The following MGAT4C variants were observed in gnomAD, a reference collection of about 807,000 sequenced individuals.
The protein encoded by MGAT4C is alpha-1,3-mannosyl-glycoprotein 4-beta-N-acetylglucosaminyltransferase C.
In MGAT4C, 19 loss-of-function variants were observed where a neutral mutation model predicts 40.1. The ratio of observed to expected loss-of-function variants is 0.47; its 90% CI spans 0.33 to 0.70. The LOEUF (loss-of-function observed/expected upper bound fraction) is 0.70, where lower values mean the gene tolerates loss of function less well. Among genes scored for constraint, MGAT4C ranks in the 30% least tolerant of loss-of-function variants. MGAT4C has a pLI of 0.02. For missense variants in MGAT4C, 491 were observed against 563.2 expected (o/e 0.87, Z 1.30); for synonymous variants, 181 against 187.1 (o/e 0.97, Z 0.27).
chr12:86,186,789 G>A (rs1179590455), intron 1 of MGAT4C, among the ~76,000 whole-genome samples: 5 of 152,048 alleles, frequency 3.3e-5, no homozygotes, highest in African/African-American at 4.8e-5. Flanking sequence ...TCCTGTGTTC[G>A]TAAGACCAGT....
At chr12:86,638,926 T>G (rs573534718) in intron 2 of MGAT4C, among the ~76,000 whole-genome samples, 1 of 151,974 alleles carries the variant, frequency 6.6e-6, no homozygotes, top group African/African-American at 2.4e-5. Flanking sequence ...TTCTTCATAG[T>G]AAACTTGAGA....
At chr12:86,063,596 CAAGATCCATTGGTGTGCTGTATTCAG>C (rs1277969360) in intron 1 of MGAT4C, among the ~76,000 whole-genome samples, 1 of 152,150 alleles carries the variant, frequency 6.6e-6, no homozygotes, top group Non-Finnish European at 1.5e-5. Flanking sequence ...GATAAAGAGT[CAAGATCCATTGGTGTGCTGTATTCAG>C]AAGATCCATC....
intron 2 of MGAT4C, among the ~76,000 whole-genome samples, chr12:86,639,241 G>T (rs897770281): frequency 6.6e-6 from 1 of 151,660 alleles, no homozygotes; most frequent in African/African-American, 2.4e-5. Flanking sequence ...TCAAAACAAA[G>T]TAGACTTATT....
intron 2 of MGAT4C, 74 bp from the exon 3 acceptor site, chr12:85,989,626 T>A (rs973512851): frequency 3.7e-6 from 5 of 1,338,264 alleles, no homozygotes. Flanking sequence ...TATATAAAAG[T>A]CAGGTCCTTG....
intron 1 of MGAT4C, among the ~76,000 whole-genome samples, chr12:86,795,830 C>G (rs1186304593): frequency 6.6e-6 from 1 of 151,932 alleles, no homozygotes; most frequent in Non-Finnish European, 1.5e-5. Flanking sequence ...CACAGTTGTT[C>G]ATGTATTAGT....
chr12:86,457,428 A>C (rs985499973), intron 2 of MGAT4C, among the ~76,000 whole-genome samples: 6 of 152,226 alleles, frequency 3.9e-5, no homozygotes, highest in South Asian at 2.1e-4. Context: ...AGACTTTTTA[A>C]TTGTCTCAGT....
chr12:86,788,022 A>T (rs1232740047), intron 1 of MGAT4C, among the ~76,000 whole-genome samples: 3 of 152,112 alleles, frequency 2.0e-5, no homozygotes, highest in Non-Finnish European at 2.9e-5. Context: ...AAGAGACATG[A>T]CAAAATGATC....
Position 86,640,601 on chromosome 12 carries a change from C to T in MGAT4C, c.-229+86608G>A, listed in dbSNP as rs188246126. On this transcript the variant is annotated intron_variant, in intron 2 of 7. Transcript: ENST00000548651. ...GAAGGGTTTTTTGAGTCTCTATTTCCTTCAGTTCTACTCTGATTTTAGTTA... is the reference window on the plus strand; with the variant it reads ...GAAGGGTTTTTTGAGTCTCTATTTCTTTCAGTTCTACTCTGATTTTAGTTA... Among the ~76,000 whole-genome samples, 497 of 152,024 alleles carry T rather than the reference C, an allele frequency of 3.3e-3. 2 individuals carry two copies. Among genetic ancestry groups the T allele is most frequent in the African/African-American group, 0.012 (484 of 41,502 alleles).
chr12:86,733,826 G>C (rs1402682055), intron 1 of MGAT4C, among the ~76,000 whole-genome samples: 1 of 152,102 alleles, frequency 6.6e-6, no homozygotes, highest in Non-Finnish European at 1.5e-5. Flanking sequence ...AATTGATTCA[G>C]TTAAGTTTTT....
chr12:85,991,339 T>C (rs908077762), intron 2 of MGAT4C, among the ~76,000 whole-genome samples: 5 of 152,118 alleles, frequency 3.3e-5, no homozygotes, highest in African/African-American at 1.2e-4. Flanking sequence ...AACTGATCCA[T>C]GGACAGCCAT....
intron 2 of MGAT4C, among the ~76,000 whole-genome samples, chr12:86,484,423 C>G (rs148509021): frequency 6.6e-6 from 1 of 152,222 alleles, no homozygotes; most frequent in Non-Finnish European, 1.5e-5. Context: ...CTCTCACAGA[C>G]GTATGTGCAC....
At chr12:86,494,653 A>C (rs999026162) in intron 2 of MGAT4C, among the ~76,000 whole-genome samples, 1 of 151,912 alleles carries the variant, frequency 6.6e-6, no homozygotes, top group African/African-American at 2.4e-5. Flanking sequence ...AATCTTCTAC[A>C]GGAAGAAATT....
At chr12:86,582,732 G>T (rs534809531) in intron 2 of MGAT4C, among the ~76,000 whole-genome samples, 1 of 151,262 alleles carries the variant, frequency 6.6e-6, no homozygotes, top group African/African-American at 2.4e-5. Context: ...TGAATAGGCT[G>T]GTTCAATTAT....
intron 2 of MGAT4C, among the ~76,000 whole-genome samples, chr12:86,462,740 A>C (rs1957620228): frequency 3.3e-5 from 5 of 152,180 alleles, no homozygotes; most frequent in Admixed American, 3.3e-4. Flanking sequence ...AAGAACTTAG[A>C]GTCTGATGTT....
At chr12:86,733,416 A>G (rs1292502447) in intron 1 of MGAT4C, among the ~76,000 whole-genome samples, 1 of 151,942 alleles carries the variant, frequency 6.6e-6, no homozygotes, top group Non-Finnish European at 1.5e-5. Flanking sequence ...CCGAGTAACA[A>G]GAAGAGCAAA....
chr12:86,275,868 G>A (rs1392428139), intron 4 of MGAT4C, among the ~76,000 whole-genome samples: 2 of 150,228 alleles, frequency 1.3e-5, no homozygotes, highest in Admixed American at 6.7e-5. Context: ...TTGGGAGGCC[G>A]AGGCGGCGGA....
At position 86,832,721 on chromosome 12, in the gene MGAT4C, CAA is replaced by C. The variant is rs369542058; in HGVS notation, c.-262+5943_-262+5944del. 1.9e-4 allele frequency among the ~76,000 whole-genome samples: 29 copies of C among 151,890 alleles called. No homozygotes were observed. In the East Asian group the frequency reaches 5.6e-3, roughly 30 times the overall value. ...GGTGATTAAATGTGATATTGTGGGA[CAA>C]AGATTCTGACCCAAACCTTAGCTAA... On this transcript the variant is annotated intron_variant, in intron 1 of 7. Transcript: ENST00000548651.
chr12:86,764,559 T>C (rs1044714380), intron 1 of MGAT4C, among the ~76,000 whole-genome samples: 10 of 67,800 alleles, frequency 1.5e-4, no homozygotes, highest in East Asian at 4.5e-4. Context: ...GCAGACTGCC[T>C]CCTCAAGTGG....
At chr12:86,575,539 A>T (rs550580479) in intron 2 of MGAT4C, among the ~76,000 whole-genome samples, 1 of 151,782 alleles carries the variant, frequency 6.6e-6, no homozygotes, top group Non-Finnish European at 1.5e-5. Context: ...AAATGATTGG[A>T]TCTCATTTTT....
Sources: gnomAD v4.1 joint callset for allele counts (sites outside exome capture counted in the v4.1 genomes callset) on GRCh38, gnomAD v4.1.1 for gene constraint, MANE v1.5 for transcripts, NCBI Gene and HGNC (gene_info 2026-07-23, HGNC 2026-07-21) for gene names.